The following MTHFD1 variants were observed in gnomAD, a reference collection of about 807,000 sequenced individuals.
MTHFD1 encodes methylenetetrahydrofolate dehydrogenase, cyclohydrolase and formyltetrahydrofolate synthetase 1.
Under a neutral mutation model 110.3 loss-of-function variants are expected in MTHFD1, and 44 were observed. The ratio of observed to expected loss-of-function variants is 0.40; its 90% confidence interval spans 0.31 to 0.51. The LOEUF (loss-of-function observed/expected upper bound fraction) is 0.51, where lower values mean the gene tolerates loss of function less well. Ranked by LOEUF, MTHFD1 falls within the 20% of genes least tolerant of loss-of-function variation. The probability of loss-of-function intolerance (pLI) is 0.60; values close to 1 mark genes in which losing one functional copy is unlikely to be tolerated. For missense variants in MTHFD1, 909 were observed against 1,173.1 expected (o/e 0.77, Z 3.29); for synonymous variants, 402 against 428.8 (o/e 0.94, Z 0.77).
intron 24 of MTHFD1, among the ~76,000 whole-genome samples, chr14:64,450,871 C>G (rs1366695981): frequency 6.6e-6 from 1 of 152,004 alleles, no homozygotes; most frequent in Non-Finnish European, 1.5e-5. Context: ...CCAAGCCTGG[C>G]TAATTTGTTT....
chr14:64,391,152 T>C (rs1306060954), intron 1 of MTHFD1, among the ~76,000 whole-genome samples: 1 of 152,110 alleles, frequency 6.6e-6, no homozygotes, highest in Non-Finnish European at 1.5e-5. Flanking sequence ...GCTTTTCTTT[T>C]TCTTTTCTTT....
intron 6 of MTHFD1, 32 bp downstream of exon 6, chr14:64,415,771 A>G (rs751400164): frequency 1.2e-6 from 2 of 1,606,304 alleles, no homozygotes; most frequent in Non-Finnish European, 8.5e-7. Flanking sequence ...ACAAGAAAGC[A>G]CCATTTCCTG....
At chr14:64,420,061 G>A in intron 8 of MTHFD1, 136 bp downstream of exon 8, 4 of 735,860 alleles carry the variant, frequency 5.4e-6, no homozygotes, top group South Asian at 3.0e-5. Context: ...TAGCCCAAGG[G>A]TGCACAGAGT....
In MTHFD1 at chr14:64,448,197, T is replaced by A; in HGVS notation, c.2179-20T>A. ...TTTCAACTCTCTGATCTCATAGGCC[T>A]TTCACTGTTGTTTTTACAGAACCTG... On this transcript the variant is annotated intron_variant, in intron 22 of 27. Transcript: ENST00000652337. 4 of 1,593,998 alleles carry A rather than the reference T, an allele frequency of 2.5e-6. No homozygotes were observed. The highest frequency in any genetic ancestry group is 3.4e-6 in the Non-Finnish European group (4 of 1,161,846).
In MTHFD1 at chr14:64,439,082, C is replaced by A. The variant is rs1467041634; in HGVS notation, c.1598-14C>A. 1.9e-6 allele frequency: 3 copies of A among 1,607,152 alleles called. No individual in the cohort carries two copies. In the African/African-American group the frequency reaches 4.0e-5, roughly 21 times the overall value. On this transcript the variant is annotated splice_polypyrimidine_tract_variant and intron_variant, in intron 16 of 27. Transcript: ENST00000652337. ...TTACTCAAAATCGTTCTATATCTTG[C>A]CTGTCTGCTGTAGTGTTGGATACCA...
Position 64,415,475 on chromosome 14 carries a change from C to T in MTHFD1, c.358C>T (p.Pro120Ser), listed in dbSNP as rs1254034887. The change falls in exon 5 of 28, where the codon CCC becomes TCC. Residue 120 changes from proline to serine, a missense_variant. Around this residue, in one of 3 missense-constraint regions of MTHFD1, gnomAD observed 424 missense variants for 510.4 expected, o/e 0.83. Transcript: ENST00000652337. ...NTEEVINAIA[P>S]EKDVDGLTSI... is the part of the protein sequence containing the mutation. Reference sequence around the variant, plus strand: ...TGAAGAAGTGATCAATGCTATTGCACCCGAGAAGGATGTGGATGGGTAAGT... The same window carrying T: ...TGAAGAAGTGATCAATGCTATTGCATCCGAGAAGGATGTGGATGGGTAAGT... 5 of 1,614,122 alleles carry T rather than the reference C, an allele frequency of 3.1e-6. No individual in the cohort carries two copies. The highest frequency in any genetic ancestry group is 1.7e-5 in the Admixed American group (1 of 60,022).
chr14:64,391,524 G>GA (rs2077805327), intron 1 of MTHFD1, among the ~76,000 whole-genome samples: 1 of 152,180 alleles, frequency 6.6e-6, no homozygotes, highest in Non-Finnish European at 1.5e-5. Flanking sequence ...ACCCTGCTGA[G>GA]AATGCTATCC....
At chr14:64,398,743 G>A (rs996912077) in intron 1 of MTHFD1, among the ~76,000 whole-genome samples, 3 of 152,178 alleles carry the variant, frequency 2.0e-5, no homozygotes, top group Non-Finnish European at 2.9e-5. Context: ...CAGAATGAAG[G>A]AAGAGCTGTT....
intron 4 of MTHFD1, among the ~76,000 whole-genome samples, chr14:64,414,606 G>T (rs995028041): frequency 2.0e-5 from 3 of 151,434 alleles, no homozygotes; most frequent in Non-Finnish European, 2.9e-5. Flanking sequence ...GCCTGCCTTG[G>T]CTTCCCAAAG....
intron 24 of MTHFD1, among the ~76,000 whole-genome samples, chr14:64,452,909 CAG>C (rs1451147715): frequency 6.6e-6 from 1 of 151,728 alleles, no homozygotes; most frequent in Non-Finnish European, 1.5e-5. Context: ...TTTAAAGAGA[CAG>C]AGTGTTGCTA....
intron 21 of MTHFD1, among the ~76,000 whole-genome samples, chr14:64,443,314 A>C (rs1281416490): frequency 6.6e-6 from 1 of 152,238 alleles, no homozygotes; most frequent in African/African-American, 2.4e-5. Context: ...ACATGTAAAC[A>C]TAAAGAACTT....
intron 2 of MTHFD1, among the ~76,000 whole-genome samples, chr14:64,410,878 C>A (rs1274326761): frequency 6.6e-6 from 1 of 152,102 alleles, no homozygotes; most frequent in Non-Finnish European, 1.5e-5. Context: ...CAGTGGGAAC[C>A]AGGTGGGCCT....
At chr14:64,443,541 T>G (rs575457073) in intron 21 of MTHFD1, among the ~76,000 whole-genome samples, 1 of 152,300 alleles carries the variant, frequency 6.6e-6, no homozygotes, top group East Asian at 1.9e-4. Context: ...GGAAATAGTT[T>G]TGACTTCATG....
intron 6 of MTHFD1, among the ~76,000 whole-genome samples, chr14:64,416,045 C>G (rs896308781): frequency 6.6e-6 from 1 of 152,148 alleles, no homozygotes; most frequent in Non-Finnish European, 1.5e-5. Flanking sequence ...GAATTCGAGA[C>G]CAGCCTGGTC....
chr14:64,408,698 C>G (rs574122942), intron 2 of MTHFD1, among the ~76,000 whole-genome samples: 1 of 152,220 alleles, frequency 6.6e-6, no homozygotes, highest in Non-Finnish European at 1.5e-5. Flanking sequence ...CTCACACCTA[C>G]CTAGCACTTT....
intron 11 of MTHFD1, 91 bp downstream of exon 11, chr14:64,426,283 T>G: frequency 6.9e-7 from 1 of 1,450,452 alleles, no homozygotes; most frequent in Non-Finnish European, 9.6e-7. Flanking sequence ...TATGTAGAGG[T>G]GCCTTTAATT....
intron 22 of MTHFD1, among the ~76,000 whole-genome samples, chr14:64,445,292 G>A (rs1048610608): frequency 2.0e-5 from 3 of 152,114 alleles, no homozygotes; most frequent in Non-Finnish European, 4.4e-5. Flanking sequence ...CTCCTCTGCC[G>A]ATTTAAATCC....
chr14:64,397,738 G>T (rs4902281), intron 1 of MTHFD1, among the ~76,000 whole-genome samples: 142,306 of 152,316 alleles, frequency 0.93, 66,762 homozygotes, highest in Middle Eastern at 0.99. Context: ...AAAGGCAGCT[G>T]TATTTTAATC....
chr14:64,431,215 A>G (rs59686564), intron 13 of MTHFD1, among the ~76,000 whole-genome samples: 9,371 of 151,376 alleles, frequency 0.062, 508 homozygotes, highest in African/African-American at 0.16. Context: ...ACAGGTGCGC[A>G]CTACCACACT....
Sources: gnomAD v4.1 joint callset for allele counts (sites outside exome capture counted in the v4.1 genomes callset) on GRCh38, gnomAD v4.1.1 for gene constraint, gnomAD v4.1.1 regional missense constraint, MANE v1.5 for transcripts, NCBI Gene and HGNC (gene_info 2026-07-23, HGNC 2026-07-21) for gene names.